Variants in ZDHHC11B observed in about 807,000 individuals in gnomAD.
The protein encoded by ZDHHC11B is zDHHC palmitoyltransferase 11B (putative), also known as probable palmitoyltransferase ZDHHC11B.
In ZDHHC11B, 17 loss-of-function variants were observed where a neutral mutation model predicts 42.3. That is an observed-to-expected ratio of 0.40 (90% confidence interval 0.27 to 0.60). ZDHHC11B has a LOEUF of 0.60. Ranked by LOEUF, ZDHHC11B falls within the 20% of genes least tolerant of loss-of-function variation. The probability of loss-of-function intolerance (pLI) is 0.41; values close to 1 mark genes in which losing one functional copy is unlikely to be tolerated. For synonymous variants in ZDHHC11B, 123 were observed against 193.5 expected (o/e 0.64, Z 3.02); for missense variants, 262 against 463.2 (o/e 0.57, Z 3.99).
In ZDHHC11B at chr5:739,225, T is replaced by C. The variant is rs371632091; in HGVS notation, c.935+2369A>G. ...ACCAGCCTGGCCAACATGGTGAAAC[T>C]TGTCTCTGCTAACGACACAAAAATT... On this transcript the variant is annotated intron_variant, in intron 10 of 13. Transcript: ENST00000508859. Among the ~76,000 whole-genome samples, 25 of 150,776 alleles carry C rather than the reference T, an allele frequency of 1.7e-4. 3 individuals carry two copies. In the East Asian group the frequency reaches 4.0e-3, roughly 24 times the overall value.
At chr5:774,859 G>GCC (rs1736343460) in intron 1 of ZDHHC11B, among the ~76,000 whole-genome samples, 1 of 152,028 alleles carries the variant, frequency 6.6e-6, no homozygotes, top group African/African-American at 2.4e-5. Context: ...GATAGCAGCA[G>GCC]CCTCGGTGCT....
intron 1 of ZDHHC11B, among the ~76,000 whole-genome samples, chr5:778,912 G>A (rs1429696804): frequency 6.6e-6 from 1 of 151,840 alleles, no homozygotes; most frequent in East Asian, 1.9e-4. Context: ...AGCTATGGGG[G>A]CCAGGCTCCT....
chr5:780,939 G>T (rs1366522984), intron 1 of ZDHHC11B, among the ~76,000 whole-genome samples: 1 of 149,268 alleles, frequency 6.7e-6, no homozygotes, highest in African/African-American at 2.5e-5. Flanking sequence ...CAGGTTACCT[G>T]CGAGATGCCA....
intron 4 of ZDHHC11B, among the ~76,000 whole-genome samples, chr5:766,160 C>T (rs1318159302): frequency 6.6e-6 from 1 of 151,858 alleles, no homozygotes; most frequent in Non-Finnish European, 1.5e-5. Context: ...CAGACACAGG[C>T]TCCCACCCGC....
rs1362183122 is a variant in ZDHHC11B at position 731,150 on chromosome 5, G to C, written c.1024-682C>G. Among the ~76,000 whole-genome samples the C allele has an allele frequency of 2.0e-5, 3 of 151,550 alleles. No homozygotes were observed. The East Asian group carries it at 5.8e-4, about 29-fold the overall frequency. On this transcript the variant is annotated intron_variant, in intron 11 of 13. Transcript: ENST00000508859. ...TCAGCATCTGAAGCTTTGCCAAACT[G>C]CTCGCCAATGTGGCATCATCTTTCA... is the stretch of plus-strand genomic sequence containing the variant.
At chr5:776,641 C>T (rs1048106843) in intron 1 of ZDHHC11B, among the ~76,000 whole-genome samples, 5 of 151,890 alleles carry the variant, frequency 3.3e-5, no homozygotes, top group Admixed American at 3.3e-4. Context: ...CCCGAAGCCC[C>T]AGAAGCAAAA....
chr5:759,198 C>T (rs1176196957), intron 4 of ZDHHC11B, among the ~76,000 whole-genome samples: 1 of 151,908 alleles, frequency 6.6e-6, no homozygotes. Context: ...GGAACCTCCC[C>T]TAGCAACAAT....
rs574713382 is a variant in ZDHHC11B at position 737,054 on chromosome 5, AATTG to A, written c.936-3219_936-3216del. On this transcript the variant is annotated intron_variant, in intron 10 of 13. Coordinates refer to ENST00000508859, the MANE Select transcript of ZDHHC11B (RefSeq NM_001351303.2). ...GCCAGTTTTCTGAAAACACAAACAA[AATTG>A]ATTGACCATTAGCAACATTAAGCAA... Among the ~76,000 whole-genome samples, 269 of 149,138 alleles carry A rather than the reference AATTG, an allele frequency of 1.8e-3. 15 individuals carry two copies. The highest frequency in any genetic ancestry group is 3.0e-3 in the Non-Finnish European group (205 of 67,546).
chr5:758,498 G>A (rs1734156356), intron 4 of ZDHHC11B, among the ~76,000 whole-genome samples: 1 of 151,834 alleles, frequency 6.6e-6, no homozygotes, highest in African/African-American at 2.4e-5. Context: ...CCCTAACCGG[G>A]ACCCATTGAC....
intron 4 of ZDHHC11B, among the ~76,000 whole-genome samples, chr5:757,383 C>T (rs1329331830): frequency 3.3e-5 from 5 of 152,062 alleles, no homozygotes; most frequent in African/African-American, 9.6e-5. Context: ...GCCAGCAGGG[C>T]GGGTCCTGCA....
chr5:728,392 T>G (rs1221883055), intron 12 of ZDHHC11B, among the ~76,000 whole-genome samples: 2 of 151,834 alleles, frequency 1.3e-5, no homozygotes, highest in African/African-American at 4.9e-5. Flanking sequence ...AACAATATTG[T>G]CAGTATCTGA....
chr5:780,883 G>A (rs1470894000), intron 1 of ZDHHC11B, among the ~76,000 whole-genome samples: 9 of 151,744 alleles, frequency 5.9e-5, no homozygotes, highest in African/African-American at 1.7e-4. Context: ...AGCGGGGGCC[G>A]GTGTGCGCAG....
chr5:719,841 A>C (rs1742052199), intron 12 of ZDHHC11B, among the ~76,000 whole-genome samples: 1 of 151,762 alleles, frequency 6.6e-6, no homozygotes, highest in African/African-American at 2.4e-5. Flanking sequence ...TTAAATGGAA[A>C]ATTCCAGAAA....
intron 12 of ZDHHC11B, among the ~76,000 whole-genome samples, chr5:729,876 C>A (rs1444092148): frequency 6.6e-6 from 1 of 151,474 alleles, no homozygotes; most frequent in African/African-American, 2.4e-5. Context: ...ACTTGAGATT[C>A]TCTGGGAAGA....
chr5:716,123 G>A (rs1250761937), intron 13 of ZDHHC11B, among the ~76,000 whole-genome samples: 1 of 150,798 alleles, frequency 6.6e-6, no homozygotes, highest in East Asian at 1.9e-4. Context: ...TAGAGAAAGG[G>A]TTGCAGTCTC....
chr5:732,932 C>G (rs189899679), intron 11 of ZDHHC11B, among the ~76,000 whole-genome samples: 1 of 151,750 alleles, frequency 6.6e-6, no homozygotes, highest in Non-Finnish European at 1.5e-5. Context: ...TGGCACACAC[C>G]TGTACTTTCG....
At chr5:749,512 GC>G (rs1172654263) in intron 7 of ZDHHC11B, among the ~76,000 whole-genome samples, 1 of 130,028 alleles carries the variant, frequency 7.7e-6, no homozygotes, top group Non-Finnish European at 1.7e-5. Context: ...CCTGGGCCGG[GC>G]TGGACCCCAT....
At position 784,663 on chromosome 5, in the gene ZDHHC11B, C is replaced by A. The variant is rs939476249; in HGVS notation, c.-230+5G>T. On this transcript the variant is annotated splice_donor_5th_base_variant and intron_variant, in intron 1 of 13. Transcript: ENST00000508859. ...CCCGCAGGACCGAGCCCCGCGCCCG[C>A]TTACCTTGGAGACGCAGCAACTGCA... Among the ~76,000 whole-genome samples, 1 of 150,844 alleles carries A rather than the reference C, an allele frequency of 6.6e-6. No homozygotes were observed. Among genetic ancestry groups the A allele is most frequent in the South Asian group, 2.1e-4 (1 of 4,784 alleles).
intron 12 of ZDHHC11B, among the ~76,000 whole-genome samples, chr5:729,244 G>A (rs559270499): frequency 4.0e-5 from 6 of 151,260 alleles, no homozygotes; most frequent in Non-Finnish European, 7.4e-5. Flanking sequence ...GAATAATGTC[G>A]GCCGTGTCAC....
Sources: allele counts gnomAD v4.1 joint callset (sites outside exome capture counted in the v4.1 genomes callset), GRCh38; gene constraint gnomAD v4.1.1; transcripts MANE v1.5; gene names NCBI Gene and HGNC (gene_info 2026-07-23, HGNC 2026-07-21).